Variants in ROBO2 observed in about 807,000 individuals in gnomAD.
ROBO2 encodes the protein roundabout guidance receptor 2.
Under a neutral mutation model 160.8 loss-of-function variants are expected in ROBO2, and 53 were observed. The observed-to-expected ratio is 0.33, with a 90% CI of 0.26 to 0.41. ROBO2 has a LOEUF of 0.41. Among genes scored for constraint, ROBO2 ranks in the 10% least tolerant of loss-of-function variants. The pLI is 1.00. For missense variants in ROBO2, 1,577 were observed against 1,722.4 expected, an observed-to-expected ratio of 0.92 and a Z score of 1.49; for synonymous variants, 664 against 611.7, an observed-to-expected ratio of 1.09 and a Z score of -1.26.
chr3:76,394,207 G>A (rs929677902), intron 2 of ROBO2, among the ~76,000 whole-genome samples: 10 of 152,130 alleles, frequency 6.6e-5, no homozygotes, highest in Non-Finnish European at 1.0e-4. Flanking sequence ...AGTTGATGCA[G>A]TTTCTTCCTA....
chr3:76,091,342 G>A (rs2126535), intron 2 of ROBO2, among the ~76,000 whole-genome samples: 101,611 of 152,074 alleles, frequency 0.67, 35,146 homozygotes, highest in African/African-American at 0.86. Context: ...AATATATTCA[G>A]CATATATAAT....
chr3:76,647,328 C>T (rs1055696196), intron 2 of ROBO2, among the ~76,000 whole-genome samples: 12 of 152,152 alleles, frequency 7.9e-5, no homozygotes, highest in Non-Finnish European at 1.6e-4. Context: ...ACAGACAAAG[C>T]CCTTCCTCCT....
intron 2 of ROBO2, among the ~76,000 whole-genome samples, chr3:77,247,814 G>A (rs1183677771): frequency 1.3e-5 from 2 of 152,154 alleles, no homozygotes; most frequent in Non-Finnish European, 2.9e-5. Flanking sequence ...TTGAAACTAA[G>A]CAAGTAAAAG....
intron 2 of ROBO2, among the ~76,000 whole-genome samples, chr3:76,626,955 G>C (rs1322018821): frequency 6.6e-6 from 1 of 152,122 alleles, no homozygotes; most frequent in African/African-American, 2.4e-5. Context: ...CTCCCAAAGT[G>C]CTGGGATTAC....
At chr3:76,611,402 A>G (rs1489233951) in intron 2 of ROBO2, among the ~76,000 whole-genome samples, 1 of 152,056 alleles carries the variant, frequency 6.6e-6, no homozygotes, top group African/African-American at 2.4e-5. Context: ...TGGGTCCTGG[A>G]CTTTTCTTTG....
chr3:76,526,992 T>C (rs980626995), intron 2 of ROBO2, among the ~76,000 whole-genome samples: 1 of 152,034 alleles, frequency 6.6e-6, no homozygotes, highest in African/African-American at 2.4e-5. Context: ...TTAAACCAGC[T>C]GGGAGAAAAA....
intron 2 of ROBO2, among the ~76,000 whole-genome samples, chr3:76,687,426 C>T (rs953877715): frequency 2.0e-5 from 3 of 151,954 alleles, no homozygotes; most frequent in African/African-American, 7.2e-5. Flanking sequence ...TTTCATTTGG[C>T]AGCTCCAGCA....
chr3:77,235,776 T>C (rs1219181414), intron 2 of ROBO2, among the ~76,000 whole-genome samples: 1 of 152,230 alleles, frequency 6.6e-6, no homozygotes, highest in Non-Finnish European at 1.5e-5. Context: ...AGATTTTATT[T>C]TTCAAATCAG....
intron 2 of ROBO2, among the ~76,000 whole-genome samples, chr3:76,388,277 CT>C (rs34539559): frequency 0.014 from 1,985 of 142,182 alleles, 21 homozygotes; most frequent in Admixed American, 0.03. Context: ...CCATTTTTTT[CT>C]TTTTTTTTTT....
At chr3:76,230,211 A>C (rs1003139951) in intron 2 of ROBO2, among the ~76,000 whole-genome samples, 1 of 152,038 alleles carries the variant, frequency 6.6e-6, no homozygotes, top group Admixed American at 6.6e-5. Context: ...CTTTTTCTTC[A>C]TGGAGTCCAG....
chr3:75,914,861 C>T (rs978760878), intron 1 of ROBO2, among the ~76,000 whole-genome samples: 1 of 152,174 alleles, frequency 6.6e-6, no homozygotes, highest in African/African-American at 2.4e-5. Flanking sequence ...AGCACTTCCA[C>T]CGAGTTTTCA....
chr3:77,427,922 G>T (rs34189543), intron 2 of ROBO2, among the ~76,000 whole-genome samples: 7 of 152,152 alleles, frequency 4.6e-5, no homozygotes, highest in Non-Finnish European at 8.8e-5. Context: ...TTTATATTCC[G>T]TTTTTAACCT....
intron 2 of ROBO2, among the ~76,000 whole-genome samples, chr3:76,648,866 G>T (rs972000496): frequency 6.6e-6 from 1 of 151,928 alleles, no homozygotes; most frequent in Non-Finnish European, 1.5e-5. Context: ...AAATTCAAAT[G>T]TTATGAAATT....
At chr3:76,626,563 A>G (rs2089653667) in intron 2 of ROBO2, among the ~76,000 whole-genome samples, 1 of 152,248 alleles carries the variant, frequency 6.6e-6, no homozygotes, top group African/African-American at 2.4e-5. Context: ...TAGGTCAATG[A>G]CATGATACAT....
intron 1 of ROBO2, among the ~76,000 whole-genome samples, chr3:75,936,378 T>C (rs1947782297): frequency 1.3e-5 from 2 of 152,182 alleles, no homozygotes; most frequent in African/African-American, 4.8e-5. Context: ...CTGGAAATTA[T>C]TAAGTTTACT....
chr3:76,230,553 A>G (rs1039725491), intron 2 of ROBO2, among the ~76,000 whole-genome samples: 2 of 151,996 alleles, frequency 1.3e-5, no homozygotes, highest in African/African-American at 2.4e-5. Context: ...CGGTATACCC[A>G]TGAATACTCT....
chr3:77,580,091 A>C (rs2093874992), exon 16 of ROBO2: 1 of 1,613,722 alleles, frequency 6.2e-7, no homozygotes, highest in South Asian at 1.1e-5. Context: ...GGTTGGAGTA[A>C]AGAGTGAGCC....
chr3:76,412,762 T>A (rs2075560189), intron 2 of ROBO2, among the ~76,000 whole-genome samples: 1 of 152,200 alleles, frequency 6.6e-6, no homozygotes, highest in South Asian at 2.1e-4. Flanking sequence ...CTGCTTTCAC[T>A]GGCTGGCGTT....
At chr3:75,912,019 C>A (rs1258248075) in intron 1 of ROBO2, among the ~76,000 whole-genome samples, 2 of 152,122 alleles carry the variant, frequency 1.3e-5, no homozygotes, top group African/African-American at 4.8e-5. Context: ...ATGGAGATAT[C>A]CCACATATTA....
Sources: allele counts gnomAD v4.1 joint callset (sites outside exome capture counted in the v4.1 genomes callset), GRCh38; gene constraint gnomAD v4.1.1; transcripts MANE v1.5; gene names NCBI Gene and HGNC (gene_info 2026-07-23, HGNC 2026-07-21).